The following NTRK3 variants were observed in gnomAD, a reference collection of about 807,000 sequenced individuals.
The protein encoded by NTRK3 is neurotrophic receptor tyrosine kinase 3.
A neutral mutation model predicts 91.7 loss-of-function variants in NTRK3; 24 were observed. That is an observed-to-expected ratio of 0.26 (90% confidence interval 0.19 to 0.37). The LOEUF is 0.37. Among genes scored for constraint, NTRK3 ranks in the 10% least tolerant of loss-of-function variants. The pLI is 1.00. For missense variants in NTRK3, 880 were observed against 1,068.9 expected (o/e 0.82, Z 2.46); for synonymous variants, 483 against 404.0 (o/e 1.20, Z -2.34).
In NTRK3 at chr15:88,136,790, T is replaced by A. The variant is rs548146153; in HGVS notation, c.623-181A>T. ...CTTTACATCACCTCCCCAGTAGACA[T>A]CAGAACTCAGAATTGAAGCCCATGC... On this transcript the variant is annotated intron_variant, in intron 7 of 18. Transcript: ENST00000394480. Among the ~76,000 whole-genome samples the A allele has an allele frequency of 3.9e-5, 6 of 152,286 alleles. No individual in the cohort carries two copies. The East Asian group carries it at 1.2e-3, about 29-fold the overall frequency.
rs143021617 is a variant in NTRK3 at position 88,222,440 on chromosome 15, C to T, written c.248+33466G>A. ...AGGATCCACAGTTTACGTTCCTAAC[C>T]CTGAAGCTGCCTTTCAATAATACAA... On this transcript the variant is annotated intron_variant, in intron 3 of 18. Coordinates refer to ENST00000394480, the Ensembl canonical transcript of NTRK3. Among the ~76,000 whole-genome samples the T allele has an allele frequency of 7.8e-4, 119 of 152,306 alleles. 1 individual carries two copies. The highest frequency in any genetic ancestry group is 2.8e-3 in the African/African-American group (115 of 41,542).
intron 17 of NTRK3, among the ~76,000 whole-genome samples, chr15:87,918,052 T>C (rs538092088): frequency 6.6e-6 from 1 of 152,250 alleles, no homozygotes; most frequent in Non-Finnish European, 1.5e-5. Context: ...CCTTACAAAC[T>C]GCAAGTGGCT....
exon 19 of NTRK3, chr15:87,863,027 T>A (rs926247923): frequency 5.2e-5 from 12 of 230,896 alleles, no homozygotes; most frequent in African/African-American, 2.7e-4. Flanking sequence ...GTATAAGCAG[T>A]CCTTCATTTA....
At chr15:88,194,460 A>C (rs2047656899) in intron 3 of NTRK3, among the ~76,000 whole-genome samples, 1 of 152,234 alleles carries the variant, frequency 6.6e-6, no homozygotes, top group South Asian at 2.1e-4. Flanking sequence ...TCTCCATATC[A>C]ATAAATGACA....
At chr15:88,105,998 T>G (rs1441722425) in intron 13 of NTRK3, among the ~76,000 whole-genome samples, 1 of 152,264 alleles carries the variant, frequency 6.6e-6, no homozygotes, top group East Asian at 1.9e-4. Context: ...CCGTAGTCAC[T>G]GCTTTCCGCT....
chr15:88,250,559 C>T (rs192567629), intron 3 of NTRK3, among the ~76,000 whole-genome samples: 64 of 152,272 alleles, frequency 4.2e-4, no homozygotes, highest in Admixed American at 3.4e-3. Flanking sequence ...GGCTTTTGGG[C>T]CTTGGGAACT....
chr15:88,162,571 G>A (rs1334448782), intron 5 of NTRK3, among the ~76,000 whole-genome samples: 1 of 152,142 alleles, frequency 6.6e-6, no homozygotes, highest in South Asian at 2.1e-4. Context: ...AAGAAAACTC[G>A]CACCAGACAA....
intron 14 of NTRK3, among the ~76,000 whole-genome samples, chr15:87,946,630 G>A (rs1238349535): frequency 1.3e-5 from 2 of 151,962 alleles, no homozygotes; most frequent in African/African-American, 2.4e-5. Context: ...TAACCATCCT[G>A]CCCTCCCCTC....
chr15:88,088,241 C>T (rs1441430243), intron 13 of NTRK3, among the ~76,000 whole-genome samples: 1 of 152,128 alleles, frequency 6.6e-6, no homozygotes, highest in Non-Finnish European at 1.5e-5. Context: ...GAGAGAAAAG[C>T]CAGCAAGACT....
intron 2 of NTRK3, 57 bp from the exon 3 acceptor site, chr15:88,256,225 AG>A (rs1227137062): frequency 1.4e-4 from 32 of 235,094 alleles, no homozygotes; most frequent in South Asian, 2.3e-4. Flanking sequence ...TGGGGAGAGC[AG>A]GGGGGGAAGG....
In NTRK3 at chr15:88,256,462, C is replaced by A. The variant is rs747378024; in HGVS notation, c.-194G>T. On this transcript the variant is annotated 5_prime_UTR_variant, in exon 2 of 19. Transcript: ENST00000394480. ...TCGCCGGGTCCGGGGGCTCTGGAAG[C>A]GAGGCGCGCTCTCCGACTCCGAGAC... 1,861 of 518,452 alleles carry A rather than the reference C, an allele frequency of 3.6e-3. 9 individuals are homozygous for A. The highest frequency in any genetic ancestry group is 0.012 in the Middle Eastern group (24 of 2,024). The allele number at this position is 518,452 out of a possible 1,614,324, so 32.1% of individuals were successfully genotyped here.
chr15:87,968,129 T>A (rs1282781855), intron 14 of NTRK3, among the ~76,000 whole-genome samples: 1 of 152,206 alleles, frequency 6.6e-6, no homozygotes, highest in Non-Finnish European at 1.5e-5. Context: ...CATGAAGTTG[T>A]CCAGTGGTTT....
chr15:87,953,540 G>C (rs2071360233), intron 14 of NTRK3, among the ~76,000 whole-genome samples: 1 of 152,210 alleles, frequency 6.6e-6, no homozygotes, highest in Non-Finnish European at 1.5e-5. Context: ...GTGGAAAATA[G>C]AGAAGGGAGA....
At chr15:87,950,931 C>T (rs1235784652) in intron 14 of NTRK3, among the ~76,000 whole-genome samples, 1 of 152,156 alleles carries the variant, frequency 6.6e-6, no homozygotes, top group Non-Finnish European at 1.5e-5. Context: ...AGTAGGTGCT[C>T]AATAGGCCTT....
At chr15:88,137,538 T>G (rs547862658) in exon 7 of NTRK3, 12 of 1,613,930 alleles carry the variant, frequency 7.4e-6, no homozygotes, top group Admixed American at 3.3e-5. Flanking sequence ...ACAGCTGCAG[T>G]TGAAAAAGTT....
chr15:88,115,770 G>T (rs1360734002), intron 13 of NTRK3, among the ~76,000 whole-genome samples: 1 of 152,134 alleles, frequency 6.6e-6, no homozygotes, highest in Non-Finnish European at 1.5e-5. Context: ...GCAAGACTGG[G>T]AAGAATGGGA....
intron 17 of NTRK3, among the ~76,000 whole-genome samples, chr15:87,893,131 C>A (rs1043042097): frequency 4.6e-5 from 7 of 152,128 alleles, no homozygotes; most frequent in African/African-American, 1.7e-4. Context: ...GGTACAGAGA[C>A]TGAGCATTTA....
chr15:88,138,516 T>G (rs1313973183), intron 6 of NTRK3, among the ~76,000 whole-genome samples: 1 of 152,182 alleles, frequency 6.6e-6, no homozygotes, highest in Non-Finnish European at 1.5e-5. Flanking sequence ...CCCTAAATAA[T>G]CTGCACCATT....
chr15:88,099,721 G>A (rs1341299514), intron 13 of NTRK3, among the ~76,000 whole-genome samples: 1 of 152,104 alleles, frequency 6.6e-6, no homozygotes, highest in Non-Finnish European at 1.5e-5. Flanking sequence ...CAGGGGTGGG[G>A]GAAACTTAAA....
Sources: gnomAD v4.1 joint callset for allele counts (sites outside exome capture counted in the v4.1 genomes callset) on GRCh38, gnomAD v4.1.1 for gene constraint, MANE v1.5 for transcripts, NCBI Gene and HGNC (gene_info 2026-07-23, HGNC 2026-07-21) for gene names.